Variants in NELL2 observed in about 807,000 individuals in gnomAD.
The protein encoded by NELL2 is neural EGFL like 2.
In NELL2, 41 loss-of-function variants were observed where a neutral mutation model predicts 109.6. The ratio of observed to expected loss-of-function variants is 0.37; its 90% confidence interval spans 0.29 to 0.49. NELL2 has a LOEUF of 0.49. NELL2 is among the 20% of genes least tolerant of loss of function. The pLI is 0.98. For synonymous variants in NELL2, 355 were observed against 344.7 expected (o/e 1.03, Z -0.33); for missense variants, 900 against 1,008.3 (o/e 0.89, Z 1.45).
chr12:44,579,876 T>C (rs1944261264), intron 15 of NELL2, among the ~76,000 whole-genome samples: 1 of 152,226 alleles, frequency 6.6e-6, no homozygotes, highest in South Asian at 2.1e-4. Context: ...ATATCTGTCA[T>C]ACATATTTCA....
At chr12:44,888,596 G>T (rs1055985242) in intron 1 of NELL2, among the ~76,000 whole-genome samples, 3 of 151,586 alleles carry the variant, frequency 2.0e-5, no homozygotes, top group African/African-American at 7.3e-5. Flanking sequence ...TTAAAATTAA[G>T]AAGCAATATA....
chr12:44,657,528 C>A lies in NELL2; in HGVS notation c.1444+7956G>T, dbSNP rs192677329. On this transcript the variant is annotated intron_variant, in intron 13 of 19. Transcript: ENST00000429094. ...TAAGTTCTGGGATACATGTGCAGAA[C>A]GTGCAGGTTGTCACATAGGTATACA... Among the ~76,000 whole-genome samples, 396 of 152,186 alleles carry A rather than the reference C, an allele frequency of 2.6e-3. 2 individuals are homozygous for A. Among genetic ancestry groups the A allele is most frequent in the African/African-American group, 9.1e-3 (379 of 41,510 alleles).
At chr12:44,623,007 T>C (rs547989555) in intron 13 of NELL2, among the ~76,000 whole-genome samples, 2 of 152,300 alleles carry the variant, frequency 1.3e-5, no homozygotes, top group East Asian at 3.9e-4. Flanking sequence ...AGACTATTTA[T>C]TTCTAACATT....
At chr12:44,838,804 A>G (rs1487422229) in intron 2 of NELL2, among the ~76,000 whole-genome samples, 1 of 151,814 alleles carries the variant, frequency 6.6e-6, no homozygotes, top group East Asian at 1.9e-4. Context: ...AGTACAGAAA[A>G]GTCATGGGAA....
intron 9 of NELL2, among the ~76,000 whole-genome samples, chr12:44,721,641 C>T (rs888733886): frequency 6.6e-6 from 1 of 151,832 alleles, no homozygotes; most frequent in African/African-American, 2.4e-5. Context: ...ATGCCCAGCA[C>T]CATTTAGACA....
intron 9 of NELL2, among the ~76,000 whole-genome samples, chr12:44,769,175 T>G (rs767710716): frequency 2.0e-5 from 3 of 152,124 alleles, no homozygotes; most frequent in African/African-American, 4.8e-5. Context: ...GCTACACATT[T>G]TAAGGTGACA....
intron 12 of NELL2, among the ~76,000 whole-genome samples, chr12:44,694,898 A>G (rs935184607): frequency 9.9e-5 from 15 of 152,150 alleles, no homozygotes; most frequent in African/African-American, 3.6e-4. Context: ...ATCCTTTCAG[A>G]TTTCCTCTAT....
chr12:44,776,568 C>T (rs1263057237), intron 7 of NELL2, among the ~76,000 whole-genome samples: 1 of 152,134 alleles, frequency 6.6e-6, no homozygotes, highest in African/African-American at 2.4e-5. Flanking sequence ...TATTCTGTAA[C>T]TACTATACAA....
intron 9 of NELL2, among the ~76,000 whole-genome samples, chr12:44,769,571 T>C (rs1016040925): frequency 1.3e-5 from 2 of 151,940 alleles, no homozygotes; most frequent in African/African-American, 4.8e-5. Context: ...TGCCATAGAG[T>C]CAAACAGTTT....
At chr12:44,650,596 C>T (rs1456092626) in intron 13 of NELL2, among the ~76,000 whole-genome samples, 2 of 152,016 alleles carry the variant, frequency 1.3e-5, no homozygotes, top group African/African-American at 4.8e-5. Context: ...TGCCTGGCCC[C>T]ACCCCCTCTC....
intron 9 of NELL2, among the ~76,000 whole-genome samples, chr12:44,747,620 A>G (rs1940446150): frequency 6.6e-6 from 1 of 152,118 alleles, no homozygotes; most frequent in African/African-American, 2.4e-5. Flanking sequence ...CACAGGGTTC[A>G]GCATCCCTGA....
At chr12:44,705,872 C>T (rs887140563) in intron 11 of NELL2, among the ~76,000 whole-genome samples, 5 of 152,150 alleles carry the variant, frequency 3.3e-5, no homozygotes, top group African/African-American at 1.2e-4. Context: ...GAACGGATAC[C>T]ATTTCTGATA....
At chr12:44,637,801 T>C (rs1284194414) in intron 13 of NELL2, among the ~76,000 whole-genome samples, 1 of 151,672 alleles carries the variant, frequency 6.6e-6, no homozygotes, top group Non-Finnish European at 1.5e-5. Context: ...ATAAAGTTGA[T>C]ATGCATCTTA....
chr12:44,532,645 G>A lies in NELL2; in HGVS notation c.1740C>T (p.His580=). The change falls in exon 16 of 20, where the codon CAC becomes CAT. Residue 580 remains histidine (H), a synonymous_variant. Coordinates refer to ENST00000429094, the MANE Select transcript of NELL2 (RefSeq NM_001145108.2). The part of the protein sequence containing the change: ...ANCINLPGWY[H]CECRDGYHDN... Reference sequence around the variant, plus strand: ...CATGGTAGCCATCTCTGCACTCACAGTGGTACCATCCAGGCAGGTTAATGC... The same window carrying A: ...CATGGTAGCCATCTCTGCACTCACAATGGTACCATCCAGGCAGGTTAATGC... The A allele has an allele frequency of 6.2e-7, 1 of 1,613,696 alleles. No homozygotes were observed. The highest frequency in any genetic ancestry group is 1.1e-5 in the South Asian group (1 of 91,070).
Position 44,514,779 on chromosome 12 carries a change from A to T in NELL2, c.2400+5226T>A, listed in dbSNP as rs552464374. Among the ~76,000 whole-genome samples the T allele has an allele frequency of 1.0e-3, 154 of 151,582 alleles. 2 individuals are homozygous for T. The highest frequency in any genetic ancestry group is 0.01 in the Admixed American group (154 of 15,230). ...CTTCAAAAGACATAAAACTTATTAA[A>T]GCAAAAATAATAACATGGAACTGTA... is the stretch of plus-strand genomic sequence containing the variant. On this transcript the variant is annotated intron_variant, in intron 19 of 19. Transcript: ENST00000429094.
intron 15 of NELL2, among the ~76,000 whole-genome samples, chr12:44,542,015 C>T (rs1434714266): frequency 1.3e-5 from 2 of 152,136 alleles, no homozygotes; most frequent in South Asian, 2.1e-4. Flanking sequence ...AAACAAAGAC[C>T]TACATCTAAA....
intron 9 of NELL2, among the ~76,000 whole-genome samples, chr12:44,745,900 C>A (rs1940317652): frequency 6.6e-6 from 1 of 152,134 alleles, no homozygotes; most frequent in Admixed American, 6.5e-5. Context: ...TCAATGCCAT[C>A]CCCATCAAGC....
intron 3 of NELL2, among the ~76,000 whole-genome samples, chr12:44,797,207 G>A (rs1942654838): frequency 6.6e-6 from 1 of 152,074 alleles, no homozygotes; most frequent in Admixed American, 6.6e-5. Context: ...TCTCAACTCA[G>A]TTGTGACTGA....
intron 13 of NELL2, among the ~76,000 whole-genome samples, chr12:44,659,655 T>C (rs1352734062): frequency 1.3e-5 from 2 of 152,066 alleles, no homozygotes; most frequent in Non-Finnish European, 2.9e-5. Context: ...ACATCAACCA[T>C]GTTAGAGAAA....
Sources: allele counts gnomAD v4.1 joint callset (sites outside exome capture counted in the v4.1 genomes callset), GRCh38; gene constraint gnomAD v4.1.1; transcripts MANE v1.5; gene names NCBI Gene and HGNC (gene_info 2026-07-23, HGNC 2026-07-21).